The following GRID1 variants were observed in gnomAD, a reference collection of about 807,000 sequenced individuals.
The protein encoded by GRID1 is glutamate ionotropic receptor delta type subunit 1.
Under a neutral mutation model 98.0 loss-of-function variants are expected in GRID1, and 28 were observed. The observed-to-expected ratio is 0.29, with a 90% CI of 0.21 to 0.39. The LOEUF (loss-of-function observed/expected upper bound fraction) is 0.39, where lower values mean the gene tolerates loss of function less well. Among genes scored for constraint, GRID1 ranks in the 10% least tolerant of loss-of-function variants. GRID1 has a pLI of 1.00. For missense variants in GRID1, 1,111 were observed against 1,340.5 expected (o/e 0.83, Z 2.67); for synonymous variants, 553 against 538.5 (o/e 1.03, Z -0.37).
chr10:86,122,532 T>C (rs1195729743), intron 4 of GRID1, among the ~76,000 whole-genome samples: 1 of 152,242 alleles, frequency 6.6e-6, no homozygotes, highest in Non-Finnish European at 1.5e-5. Context: ...GAATTCCTGC[T>C]CAGCCTCTCC....
intron 3 of GRID1, among the ~76,000 whole-genome samples, chr10:86,204,073 G>A (rs1372237563): frequency 6.6e-6 from 1 of 152,192 alleles, no homozygotes; most frequent in Non-Finnish European, 1.5e-5. Context: ...GAGGAACACA[G>A]CTTTTGATCA....
intron 4 of GRID1, among the ~76,000 whole-genome samples, chr10:85,953,392 TCAGGAAAAATA>T (rs1842150075): frequency 6.6e-6 from 1 of 152,016 alleles, no homozygotes. Flanking sequence ...AGGGAGAGGA[TCAGGAAAAATA>T]ACTAATGGGT....
intron 4 of GRID1, among the ~76,000 whole-genome samples, chr10:86,103,791 C>T (rs960439486): frequency 1.3e-5 from 2 of 151,856 alleles, no homozygotes; most frequent in Admixed American, 6.5e-5. Flanking sequence ...CTGCCCACCT[C>T]CCCTGGCCCA....
chr10:85,913,196 C>G (rs1841565383), intron 5 of GRID1, among the ~76,000 whole-genome samples: 1 of 152,144 alleles, frequency 6.6e-6, no homozygotes, highest in Non-Finnish European at 1.5e-5. Context: ...GTGTGCATAC[C>G]TGACCCCCAC....
At chr10:85,604,556 T>A (rs1419452131) in intron 15 of GRID1, among the ~76,000 whole-genome samples, 1 of 152,172 alleles carries the variant, frequency 6.6e-6, no homozygotes, top group Non-Finnish European at 1.5e-5. Context: ...GCATGGCAAG[T>A]GTCGTCGGGA....
chr10:85,952,582 T>G (rs1218733830), intron 4 of GRID1, among the ~76,000 whole-genome samples: 3 of 151,388 alleles, frequency 2.0e-5, no homozygotes, highest in African/African-American at 4.9e-5. Flanking sequence ...TGTGTTTGTG[T>G]TTTTTTTTCT....
chr10:85,650,517 T>C (rs1843254302), intron 12 of GRID1, among the ~76,000 whole-genome samples: 1 of 152,130 alleles, frequency 6.6e-6, no homozygotes. Context: ...TAAGGCACAG[T>C]GCACACCAAG....
chr10:85,978,354 C>A (rs2131859538), intron 4 of GRID1, among the ~76,000 whole-genome samples: 1 of 152,288 alleles, frequency 6.6e-6, no homozygotes, highest in African/African-American at 2.4e-5. Flanking sequence ...GCATTTTCTC[C>A]AAAGGGACTG....
intron 12 of GRID1, among the ~76,000 whole-genome samples, chr10:85,694,451 G>A: frequency 6.6e-6 from 1 of 150,390 alleles, no homozygotes; most frequent in Non-Finnish European, 1.5e-5. Context: ...CACTATATCA[G>A]AAAGATAACT....
intron 2 of GRID1, among the ~76,000 whole-genome samples, chr10:86,277,560 A>T (rs561904702): frequency 1.3e-5 from 2 of 152,356 alleles, no homozygotes; most frequent in South Asian, 4.1e-4. Flanking sequence ...ATAATAACAT[A>T]AACAAGGAAA....
At chr10:85,703,137 TAGAG>T (rs2132625150) in intron 12 of GRID1, among the ~76,000 whole-genome samples, 1 of 152,068 alleles carries the variant, frequency 6.6e-6, no homozygotes, top group East Asian at 1.9e-4. Context: ...TAAACAATAT[TAGAG>T]AGGAAAGCTG....
chr10:85,917,921 A>G (rs941601525), intron 4 of GRID1, among the ~76,000 whole-genome samples: 2 of 152,250 alleles, frequency 1.3e-5, no homozygotes, highest in Non-Finnish European at 2.9e-5. Flanking sequence ...TTCAGCGTGG[A>G]GTCTCAGCCA....
intron 7 of GRID1, among the ~76,000 whole-genome samples, chr10:85,855,674 C>T (rs1449898983): frequency 6.6e-6 from 1 of 152,250 alleles, no homozygotes; most frequent in Non-Finnish European, 1.5e-5. Context: ...AGCGCACATA[C>T]AGGTGCACTC....
At chr10:86,242,196 A>G (rs1475158277) in intron 2 of GRID1, among the ~76,000 whole-genome samples, 2 of 152,250 alleles carry the variant, frequency 1.3e-5, no homozygotes, top group African/African-American at 4.8e-5. Flanking sequence ...TTGAAGGCAG[A>G]GCAAGATTTA....
At chr10:86,003,587 A>G (rs933071604) in intron 4 of GRID1, among the ~76,000 whole-genome samples, 15 of 152,216 alleles carry the variant, frequency 9.9e-5, no homozygotes, top group Admixed American at 1.3e-4. Flanking sequence ...CCAGGTGTGC[A>G]TGAGTACTTC....
At chr10:86,211,554 G>A (rs989050411) in intron 2 of GRID1, among the ~76,000 whole-genome samples, 5 of 152,194 alleles carry the variant, frequency 3.3e-5, no homozygotes, top group Non-Finnish European at 7.3e-5. Context: ...ATTCCCACCT[G>A]CTTCCCTGGA....
chr10:85,688,726 C>T (rs1271134611), intron 12 of GRID1, among the ~76,000 whole-genome samples: 1 of 152,200 alleles, frequency 6.6e-6, no homozygotes, highest in Admixed American at 6.5e-5. Flanking sequence ...TGCTCTTCCA[C>T]TAATGAATAA....
chr10:86,304,493 C>T (rs1284520098), intron 2 of GRID1, among the ~76,000 whole-genome samples: 1 of 152,228 alleles, frequency 6.6e-6, no homozygotes, highest in Admixed American at 6.5e-5. Context: ...CCAGTAGGCA[C>T]CTGCTAAGCC....
intron 4 of GRID1, among the ~76,000 whole-genome samples, chr10:85,949,163 G>A (rs1842087637): frequency 6.6e-6 from 1 of 152,072 alleles, no homozygotes. Flanking sequence ...TTGTACCAGG[G>A]TGTTGTATTG....
Sources: gnomAD v4.1 joint callset for allele counts (sites outside exome capture counted in the v4.1 genomes callset) on GRCh38, gnomAD v4.1.1 for gene constraint, MANE v1.5 for transcripts, NCBI Gene and HGNC (gene_info 2026-07-23, HGNC 2026-07-21) for gene names.